RTN1: variants seen among roughly 807,000 people sequenced by gnomAD.
RTN1 encodes reticulon 1.
Under a neutral mutation model 65.5 loss-of-function variants are expected in RTN1, and 25 were observed. That is an observed-to-expected ratio of 0.38 (90% CI 0.28 to 0.53). The LOEUF (loss-of-function observed/expected upper bound fraction) is 0.53, where lower values mean the gene tolerates loss of function less well. Among genes scored for constraint, RTN1 ranks in the 20% least tolerant of loss-of-function variants. The probability of loss-of-function intolerance (pLI) is 0.79; values close to 1 mark genes in which losing one functional copy is unlikely to be tolerated. For synonymous variants in RTN1, 471 were observed against 447.6 expected, an observed-to-expected ratio of 1.05 and a Z score of -0.66; for missense variants, 983 against 1,025.4, an observed-to-expected ratio of 0.96 and a Z score of 0.57.
At chr14:59,599,298 C>A (rs999673813) in intron 8 of RTN1, among the ~76,000 whole-genome samples, 1 of 152,230 alleles carries the variant, frequency 6.6e-6, no homozygotes, top group South Asian at 2.1e-4. Flanking sequence ...GATTTCAATT[C>A]GGCATTCTCG....
chr14:59,755,999 A>G (rs1157930126), intron 1 of RTN1, among the ~76,000 whole-genome samples: 3 of 152,202 alleles, frequency 2.0e-5, no homozygotes, highest in Admixed American at 6.5e-5. Flanking sequence ...ATGATTCAGC[A>G]ATTTGTTCTT....
intron 1 of RTN1, among the ~76,000 whole-genome samples, chr14:59,814,892 TATA>T (rs1014972827): frequency 3.3e-5 from 5 of 152,248 alleles, no homozygotes; most frequent in Non-Finnish European, 7.3e-5. Context: ...TTTTCTCATA[TATA>T]ATATTTTGGG....
intron 3 of RTN1, among the ~76,000 whole-genome samples, chr14:59,680,888 CTT>C (rs1442312875): frequency 6.6e-6 from 1 of 151,940 alleles, no homozygotes; most frequent in Non-Finnish European, 1.5e-5. Flanking sequence ...TTTTTAATAA[CTT>C]GGGAAAATGT....
chr14:59,807,951 TA>T (rs1461007947), intron 1 of RTN1, among the ~76,000 whole-genome samples: 1 of 152,176 alleles, frequency 6.6e-6, no homozygotes, highest in Non-Finnish European at 1.5e-5. Flanking sequence ...ATACAAAAGA[TA>T]AAAATTCAGG....
chr14:59,707,742 CAAAT>C (rs1884329430), intron 3 of RTN1, among the ~76,000 whole-genome samples: 1 of 139,770 alleles, frequency 7.2e-6, no homozygotes, highest in Non-Finnish European at 1.6e-5. Context: ...CACACACACA[CAAAT>C]ACATACACAC....
At chr14:59,848,226 T>C (rs1229631788) in intron 1 of RTN1, among the ~76,000 whole-genome samples, 3 of 152,196 alleles carry the variant, frequency 2.0e-5, no homozygotes, top group African/African-American at 7.2e-5. Context: ...CATCCCCTTT[T>C]TGAGGGCAGA....
rs1438654904 is a variant in RTN1, at chr14:59,750,406, TTATATGTATAATATATAA to T, written c.242-3943_242-3926del. ...ATATATTATATCTATAATATATATA[TTATATGTATAATATATAA>T]TATATCTATAATATATAATATATCT... On this transcript the variant is annotated intron_variant, in intron 1 of 8. Transcript: ENST00000267484. Among the ~76,000 whole-genome samples the T allele has an allele frequency of 3.7e-4, 18 of 49,062 alleles. 2 individuals are homozygous for T. The highest frequency in any genetic ancestry group is 3.0e-3 in the Admixed American group (7 of 2,304). The allele number at this position is 49,062 out of a possible 152,430, so 32.2% of individuals were successfully genotyped here.
intron 3 of RTN1, among the ~76,000 whole-genome samples, chr14:59,687,060 C>T (rs1056481563): frequency 6.6e-6 from 1 of 152,096 alleles, no homozygotes; most frequent in East Asian, 1.9e-4. Context: ...GTTGCAGGCC[C>T]GGGGTGGGAG....
At chr14:59,605,557 C>T in intron 4 of RTN1, 51 bp from the exon 5 acceptor site, 1 of 1,600,830 alleles carries the variant, frequency 6.2e-7, no homozygotes, top group Non-Finnish European at 8.5e-7. Flanking sequence ...AATCATGAGA[C>T]AGGCTGCCGA....
rs568034776 is a variant in RTN1, at chr14:59,647,437, G to A, written c.1766-39945C>T. Among the ~76,000 whole-genome samples the A allele has an allele frequency of 5.3e-5, 8 of 152,138 alleles. No homozygotes were observed. The South Asian group carries it at 1.7e-3, about 32-fold the overall frequency. On this transcript the variant is annotated intron_variant, in intron 3 of 8. Transcript: ENST00000267484. ...ATATTTCAGACCCAAATTCAACACT[G>A]GACCAAATGGATCTGATAGATCTCC... is the stretch of plus-strand genomic sequence containing the variant.
intron 3 of RTN1, among the ~76,000 whole-genome samples, chr14:59,684,519 C>T (rs1883806524): frequency 6.6e-6 from 1 of 151,904 alleles, no homozygotes; most frequent in African/African-American, 2.4e-5. Flanking sequence ...ACTGTGATCT[C>T]GTATCACTAA....
chr14:59,815,401 C>A (rs965029467), intron 1 of RTN1, among the ~76,000 whole-genome samples: 21 of 152,266 alleles, frequency 1.4e-4, no homozygotes, highest in African/African-American at 3.4e-4. Flanking sequence ...CACTGCTCAT[C>A]CCCTTTCCCT....
intron 1 of RTN1, among the ~76,000 whole-genome samples, chr14:59,847,915 C>T (rs1887437657): frequency 6.6e-6 from 1 of 152,150 alleles, no homozygotes; most frequent in African/African-American, 2.4e-5. Flanking sequence ...GCTCAGGGCC[C>T]GAATTTGTTT....
At chr14:59,793,680 G>A (rs969174323) in intron 1 of RTN1, among the ~76,000 whole-genome samples, 9 of 150,046 alleles carry the variant, frequency 6.0e-5, no homozygotes, top group Admixed American at 2.0e-4. Flanking sequence ...ACAGAGTGAT[G>A]AGAACAAAAA....
chr14:59,868,845 A>G lies in RTN1; in HGVS notation c.241+1545T>C, dbSNP rs1423262950. Among the ~76,000 whole-genome samples, 1 of 152,216 alleles carries G rather than the reference A, an allele frequency of 6.6e-6. No individual in the cohort carries two copies. Among genetic ancestry groups the G allele is most frequent in the Non-Finnish European group, 1.5e-5 (1 of 68,036 alleles). On this transcript the variant is annotated intron_variant, in intron 1 of 8. Coordinates refer to ENST00000267484, the MANE Select transcript of RTN1 (RefSeq NM_021136.3). This position sits in a 1 kb window ranked among gnomAD's most constrained non-coding sequence, Gnocchi z 4.0. Reference sequence around the variant, plus strand: ...TATGAGCAGTCTATCCTCAACAAAGAATGGTAAAGACAAAAACTACCTTCC... The same window carrying G: ...TATGAGCAGTCTATCCTCAACAAAGGATGGTAAAGACAAAAACTACCTTCC...
intron 1 of RTN1, among the ~76,000 whole-genome samples, chr14:59,797,234 T>G (rs77809310): frequency 0.012 from 1,902 of 152,286 alleles, 37 homozygotes; most frequent in African/African-American, 0.043. Flanking sequence ...CTGTACACCA[T>G]TTTTGAGCAA....
At chr14:59,723,653 A>G (rs1229358111) in intron 3 of RTN1, among the ~76,000 whole-genome samples, 1 of 152,168 alleles carries the variant, frequency 6.6e-6, no homozygotes, top group Non-Finnish European at 1.5e-5. Flanking sequence ...TAAAAAAAAT[A>G]AAACTCTGCT....
rs538476799 is a variant in RTN1, at chr14:59,666,128, C to A, written c.1766-58636G>T. On this transcript the variant is annotated intron_variant, in intron 3 of 8. Transcript: ENST00000267484. ...TACGGAAAGCTCCACTCCAAATCAA[C>A]AGAATATACATTATTCTCAGCATCA... 3.3e-5 allele frequency among the ~76,000 whole-genome samples: 5 copies of A among 152,298 alleles called. No homozygotes were observed. The East Asian group carries it at 5.8e-4, about 18-fold the overall frequency.
chr14:59,760,822 A>T (rs529759135), intron 1 of RTN1, among the ~76,000 whole-genome samples: 2 of 152,326 alleles, frequency 1.3e-5, no homozygotes, highest in Admixed American at 1.3e-4. Context: ...GAACACATCA[A>T]TGAATATGTT....
Sources: gnomAD v4.1 joint callset for allele counts (sites outside exome capture counted in the v4.1 genomes callset) on GRCh38, gnomAD v4.1.1 for gene constraint, Gnocchi (gnomAD v3.1) non-coding constraint, MANE v1.5 for transcripts, NCBI Gene and HGNC (gene_info 2026-07-23, HGNC 2026-07-21) for gene names.